CYP46A1: variants seen among roughly 807,000 people sequenced by gnomAD.
The protein encoded by CYP46A1 is cholesterol 24-hydroxylase.
CYP46A1 carries 20 observed loss-of-function variants against 63.3 expected under a neutral mutation model. The observed-to-expected ratio is 0.32, with a 90% confidence interval of 0.22 to 0.46. The LOEUF is 0.46. Among genes scored for constraint, CYP46A1 ranks in the 20% least tolerant of loss-of-function variants. The probability of loss-of-function intolerance (pLI) is 1.00; values close to 1 mark genes in which losing one functional copy is unlikely to be tolerated. For missense variants in CYP46A1, 445 were observed against 670.8 expected (o/e 0.66, Z 3.72); for synonymous variants, 268 against 273.6 (o/e 0.98, Z 0.20).
intron 1 of CYP46A1, among the ~76,000 whole-genome samples, chr14:99,685,548 A>G (rs2056486837): frequency 6.6e-6 from 1 of 151,780 alleles, no homozygotes; most frequent in Admixed American, 6.6e-5. Flanking sequence ...GAGGACAGGG[A>G]CACTCTGTGT....
intron 10 of CYP46A1, among the ~76,000 whole-genome samples, chr14:99,720,977 T>C (rs112516697): frequency 0.046 from 7,018 of 151,914 alleles, 512 homozygotes; most frequent in African/African-American, 0.16. Flanking sequence ...CCCAGCTACT[T>C]GGGAGGCTGA....
intron 3 of CYP46A1, among the ~76,000 whole-genome samples, chr14:99,698,498 G>A (rs115041075): frequency 0.013 from 1,937 of 152,338 alleles, 29 homozygotes; most frequent in African/African-American, 0.045. Flanking sequence ...AGCAACTTGG[G>A]TTGACTGGGC....
At chr14:99,712,627 C>T (rs973098921) in intron 7 of CYP46A1, 6 of 152,104 alleles carry the variant, frequency 3.9e-5, no homozygotes, top group Non-Finnish European at 5.9e-5. Flanking sequence ...CTACAAAACA[C>T]TGATGAAAGA....
At chr14:99,723,351 C>T (rs1398132729) in intron 12 of CYP46A1, among the ~76,000 whole-genome samples, 3 of 152,176 alleles carry the variant, frequency 2.0e-5, no homozygotes, top group Non-Finnish European at 4.4e-5. Flanking sequence ...CTCTGTCCCC[C>T]GGGCTGGAGT....
intron 1 of CYP46A1, among the ~76,000 whole-genome samples, chr14:99,689,719 T>G (rs759969603): frequency 3.3e-5 from 5 of 152,170 alleles, no homozygotes; most frequent in Non-Finnish European, 5.9e-5. Flanking sequence ...GAATCTGACC[T>G]CTTCTTATCA....
At chr14:99,706,831 G>A in intron 6 of CYP46A1, 46 bp downstream of exon 6, 1 of 1,594,808 alleles carries the variant, frequency 6.3e-7, no homozygotes, top group Non-Finnish European at 8.5e-7. Context: ...GCCACATGGG[G>A]TAGAGGGGTC....
intron 5 of CYP46A1, among the ~76,000 whole-genome samples, chr14:99,701,482 G>C (rs1004225567): frequency 2.6e-5 from 4 of 152,218 alleles, no homozygotes; most frequent in African/African-American, 9.6e-5. Flanking sequence ...AGGAGCAATA[G>C]TCTAGACCAT....
intron 5 of CYP46A1, chr14:99,703,687 T>C: frequency 2.0e-6 from 2 of 977,040 alleles, no homozygotes; most frequent in Non-Finnish European, 2.4e-6. Flanking sequence ...TCACACCCAA[T>C]GTAGTGCTTC....
In CYP46A1 at chr14:99,692,846, A is replaced by AG. The variant is rs1166791050; in HGVS notation, c.282+985_282+986insG. The stretch of plus-strand genomic sequence containing the variant: ...CTCCATCTCCAAAAAAGAAAAAAAA[A>AG]AAGAAGTGAAATGAGGGAACCAAGG... On this transcript the variant is annotated intron_variant, in intron 3 of 14. Transcript: ENST00000261835. 2.6e-5 allele frequency among the ~76,000 whole-genome samples: 4 copies of AG among 152,214 alleles called. No homozygotes were observed. In the East Asian group the frequency reaches 7.7e-4, roughly 29 times the overall value.
In CYP46A1 at chr14:99,684,478, A is replaced by G; in HGVS notation, c.61A>G (p.Thr21Ala). The change falls in exon 1 of 15, where the codon ACC (threonine) becomes GCC (alanine). Residue 21 changes from threonine (T) to alanine (A), a missense_variant. Physicochemically the swap from Thr to Ala is moderately conservative, Grantham distance 58. Transcript: ENST00000261835. ...AVLLAFGLCC[T>A]FVHRARSRYE... ...CCTGCTCGCCTTCGGCCTCTGCTGC[A>G]CCTTCGTGCACCGCGCTCGCAGCCG... 6.8e-7 allele frequency: 1 copy of G among 1,478,642 alleles called. No homozygotes were observed. The allele number at this position is 1,478,642 out of a possible 1,614,324, so 91.6% of individuals were successfully genotyped here.
At position 99,684,443 on chromosome 14, in the gene CYP46A1, G is replaced by A; in HGVS notation, c.26G>A (p.Gly9Asp). 2 of 1,469,926 alleles carry A rather than the reference G, an allele frequency of 1.4e-6. No individual in the cohort carries two copies. The highest frequency in any genetic ancestry group is 6.0e-5 in the East Asian group (2 of 33,186). The allele number at this position is 1,469,926 out of a possible 1,614,324, so 91.1% of individuals were successfully genotyped here. ...ATGAGCCCCGGGCTGCTGCTGCTCGGCAGCGCCGTCCTGCTCGCCTTCGGC... is the reference window on the plus strand; with the variant it reads ...ATGAGCCCCGGGCTGCTGCTGCTCGACAGCGCCGTCCTGCTCGCCTTCGGC... MSPGLLLL[G>D]SAVLLAFGLC... Residue 9 changes from glycine (G) to aspartate (D), a missense_variant, in exon 1 of 15, where the codon GGC becomes GAC. By Grantham distance (94) the Gly-to-Asp change is moderately conservative. Coordinates refer to ENST00000261835, the MANE Select transcript of CYP46A1 (RefSeq NM_006668.2).
intron 7 of CYP46A1, chr14:99,710,910 T>C (rs2056724280): frequency 6.6e-6 from 1 of 152,092 alleles, no homozygotes; most frequent in South Asian, 2.1e-4. Context: ...ATAGATCATA[T>C]CTTAGGCCAC....
chr14:99,691,189 C>T lies in CYP46A1; in HGVS notation c.200+28C>T. On this transcript the variant is annotated intron_variant, in intron 2 of 14. Transcript: ENST00000261835. Reference sequence around the variant, plus strand: ...GGGTTCTCATTTGTCACTTGTTGCCCTTACTCCAGGTTCCCTTGGGGCAGC... The same window carrying T: ...GGGTTCTCATTTGTCACTTGTTGCCTTTACTCCAGGTTCCCTTGGGGCAGC... 3 of 1,612,316 alleles carry T rather than the reference C, an allele frequency of 1.9e-6. No individual in the cohort carries two copies. In the African/African-American group the frequency reaches 4.0e-5, roughly 22 times the overall value.
At chr14:99,710,147 C>T (rs1391086402) in intron 7 of CYP46A1, 1 of 152,054 alleles carries the variant, frequency 6.6e-6, no homozygotes, top group Non-Finnish European at 1.5e-5. Context: ...GTATAAAGCC[C>T]ACTGATAGGG....
intron 9 of CYP46A1, among the ~76,000 whole-genome samples, chr14:99,717,183 C>T (rs1056576457): frequency 2.2e-4 from 34 of 152,178 alleles, no homozygotes; most frequent in African/African-American, 8.0e-4. Flanking sequence ...CCTCAGTCTC[C>T]TCATCTGTAA....
intron 10 of CYP46A1, among the ~76,000 whole-genome samples, chr14:99,719,294 C>T (rs994841486): frequency 1.3e-5 from 2 of 152,052 alleles, no homozygotes; most frequent in African/African-American, 2.4e-5. Flanking sequence ...TCACTGCAAC[C>T]TCCGCCTCCC....
chr14:99,719,658 A>G (rs73350452), intron 10 of CYP46A1, among the ~76,000 whole-genome samples: 4,388 of 151,646 alleles, frequency 0.029, 192 homozygotes, highest in African/African-American at 0.098. Context: ...GGACTCATAC[A>G]GTATTTGTCT....
At chr14:99,690,109 G>A (rs967740701) in intron 1 of CYP46A1, among the ~76,000 whole-genome samples, 12 of 152,234 alleles carry the variant, frequency 7.9e-5, no homozygotes, top group East Asian at 3.9e-4. Flanking sequence ...CTCTTCCCCC[G>A]CTTCTTGCAG....
intron 3 of CYP46A1, chr14:99,693,162 G>A (rs2056558175): frequency 6.5e-6 from 1 of 152,896 alleles, no homozygotes; most frequent in African/African-American, 2.4e-5. Context: ...CTTACCATGG[G>A]TGCGCAGCAG....
Sources: allele counts gnomAD v4.1 joint callset (sites outside exome capture counted in the v4.1 genomes callset), GRCh38; gene constraint gnomAD v4.1.1; transcripts MANE v1.5; gene names NCBI Gene and HGNC (gene_info 2026-07-23, HGNC 2026-07-21).